MARCHF3: variants seen among roughly 807,000 people sequenced by gnomAD.
MARCHF3 encodes the protein membrane associated ring-CH-type finger 3.
In MARCHF3, 13 loss-of-function variants were observed where a neutral mutation model predicts 24.2. The ratio of observed to expected loss-of-function variants is 0.54; its 90% CI spans 0.35 to 0.85. The LOEUF (loss-of-function observed/expected upper bound fraction) is 0.85, where lower values mean the gene tolerates loss of function less well. MARCHF3 is among the 40% of genes least tolerant of loss of function. MARCHF3 has a pLI of 0.01. For synonymous variants in MARCHF3, 144 were observed against 137.3 expected (o/e 1.05, Z -0.34); for missense variants, 276 against 325.0 (o/e 0.85, Z 1.16).
intron 3 of MARCHF3, among the ~76,000 whole-genome samples, chr5:126,913,364 A>G (rs1754605506): frequency 1.3e-5 from 2 of 152,238 alleles, no homozygotes; most frequent in Non-Finnish European, 2.9e-5. Flanking sequence ...AGGTTCCACA[A>G]AGTTTCTGGA....
At chr5:126,888,843 C>A (rs953747172) in intron 3 of MARCHF3, among the ~76,000 whole-genome samples, 1 of 152,206 alleles carries the variant, frequency 6.6e-6, no homozygotes, top group South Asian at 2.1e-4. Flanking sequence ...TGGCTCACTG[C>A]AACCTCCACC....
At chr5:126,927,066 C>T (rs969062683) in intron 1 of MARCHF3, among the ~76,000 whole-genome samples, 1 of 152,142 alleles carries the variant, frequency 6.6e-6, no homozygotes, top group Admixed American at 6.5e-5. Context: ...CACAGGAACT[C>T]CCCCTGGAAT....
At chr5:126,981,817 G>A (rs984677757) in intron 1 of MARCHF3, among the ~76,000 whole-genome samples, 19 of 152,084 alleles carry the variant, frequency 1.2e-4, no homozygotes, top group African/African-American at 4.6e-4. Context: ...TTATGTTCAG[G>A]GTGAAATTTA....
intron 3 of MARCHF3, among the ~76,000 whole-genome samples, chr5:126,892,521 G>T (rs959442372): frequency 6.7e-6 from 1 of 148,620 alleles, no homozygotes; most frequent in Non-Finnish European, 1.5e-5. Context: ...TTTGTCAAAG[G>T]CTTTTTCTGC....
intron 4 of MARCHF3, among the ~76,000 whole-genome samples, chr5:126,876,701 A>AC (rs1753170563): frequency 6.6e-6 from 1 of 151,586 alleles, no homozygotes; most frequent in African/African-American, 2.4e-5. Flanking sequence ...CCAAGGCTGG[A>AC]GTACAGTGGC....
At chr5:126,907,300 T>G in intron 3 of MARCHF3, among the ~76,000 whole-genome samples, 3 of 140,316 alleles carry the variant, frequency 2.1e-5, no homozygotes, top group Non-Finnish European at 3.1e-5. Context: ...TTCTGTTGAT[T>G]TGGGGTGGAG....
At chr5:126,966,316 A>C (rs968549887) in intron 1 of MARCHF3, among the ~76,000 whole-genome samples, 2 of 152,182 alleles carry the variant, frequency 1.3e-5, no homozygotes, top group African/African-American at 4.8e-5. Context: ...TAGCCTTAAA[A>C]ATTTTTATTA....
chr5:126,973,318 C>T lies in MARCHF3; in HGVS notation c.-56-55091G>A, dbSNP rs1468769158. On this transcript the variant is annotated intron_variant, in intron 1 of 4. Coordinates refer to ENST00000308660, the MANE Select transcript of MARCHF3 (RefSeq NM_178450.5). ...GGGAGTTGTGACTATCCTGTGTCCACGTTTGCATGCTAGGTTGCACTAACC... is the reference window on the plus strand; with the variant it reads ...GGGAGTTGTGACTATCCTGTGTCCATGTTTGCATGCTAGGTTGCACTAACC... 7.2e-5 allele frequency among the ~76,000 whole-genome samples: 11 copies of T among 152,202 alleles called. No homozygotes were observed. In the East Asian group the frequency reaches 1.3e-3, roughly 19 times the overall value.
chr5:126,972,078 A>T (rs1751034604), intron 1 of MARCHF3, among the ~76,000 whole-genome samples: 1 of 152,096 alleles, frequency 6.6e-6, no homozygotes, highest in Non-Finnish European at 1.5e-5. Flanking sequence ...AAGTCTTTTC[A>T]TTTTTTTCTT....
chr5:126,872,280 G>A (rs894099707), intron 4 of MARCHF3, among the ~76,000 whole-genome samples: 4 of 151,304 alleles, frequency 2.6e-5, no homozygotes, highest in African/African-American at 7.3e-5. Flanking sequence ...GGCTGGTCTC[G>A]AACTCCCGAC....
intron 1 of MARCHF3, among the ~76,000 whole-genome samples, chr5:127,007,044 G>A (rs1752332837): frequency 6.6e-6 from 1 of 151,738 alleles, no homozygotes; most frequent in Non-Finnish European, 1.5e-5. Flanking sequence ...AGAGATCTCT[G>A]GTGGTGGCTC....
chr5:126,978,971 G>A (rs1478925057), intron 1 of MARCHF3, among the ~76,000 whole-genome samples: 1 of 152,186 alleles, frequency 6.6e-6, no homozygotes, highest in Non-Finnish European at 1.5e-5. Context: ...GGATTTAGAA[G>A]TCTGATGTGG....
chr5:126,973,470 C>A (rs528466606), intron 1 of MARCHF3, among the ~76,000 whole-genome samples: 1 of 152,330 alleles, frequency 6.6e-6, no homozygotes, highest in South Asian at 2.1e-4. Context: ...GTAGGGGAGG[C>A]GCCTGCAAAC....
At chr5:126,936,400 G>A (rs1580660672) in intron 1 of MARCHF3, among the ~76,000 whole-genome samples, 1 of 152,148 alleles carries the variant, frequency 6.6e-6, no homozygotes, top group South Asian at 2.1e-4. Context: ...AATACATAGT[G>A]TATCCATATC....
intron 1 of MARCHF3, among the ~76,000 whole-genome samples, chr5:126,947,184 C>G (rs1036767239): frequency 6.6e-6 from 1 of 152,122 alleles, no homozygotes; most frequent in African/African-American, 2.4e-5. Flanking sequence ...CTCATTCCCC[C>G]GCATATGCAA....
chr5:126,935,266 T>C (rs1464010753), intron 1 of MARCHF3, among the ~76,000 whole-genome samples: 1 of 152,134 alleles, frequency 6.6e-6, no homozygotes, highest in Non-Finnish European at 1.5e-5. Flanking sequence ...CAGTTTGCCC[T>C]CCCTCATGTG....
chr5:126,985,603 G>C (rs1044761021), intron 1 of MARCHF3, among the ~76,000 whole-genome samples: 1 of 151,714 alleles, frequency 6.6e-6, no homozygotes. Flanking sequence ...CGAATAGCTG[G>C]GACTACAGGC....
chr5:126,912,184 A>C (rs1388089964), intron 3 of MARCHF3, among the ~76,000 whole-genome samples: 2 of 152,180 alleles, frequency 1.3e-5, no homozygotes, highest in Non-Finnish European at 2.9e-5. Context: ...TGAACATCCA[A>C]CTGTGGGCTG....
chr5:126,886,543 G>C (rs1430121358), intron 3 of MARCHF3, among the ~76,000 whole-genome samples: 1 of 152,176 alleles, frequency 6.6e-6, no homozygotes, highest in Non-Finnish European at 1.5e-5. Flanking sequence ...CTTTGATGGA[G>C]TGGTGAAGCA....
Sources: allele counts gnomAD v4.1 joint callset (sites outside exome capture counted in the v4.1 genomes callset), GRCh38; gene constraint gnomAD v4.1.1; transcripts MANE v1.5; gene names NCBI Gene and HGNC (gene_info 2026-07-23, HGNC 2026-07-21).